Variants in ACER2 observed in about 807,000 individuals in gnomAD.
ACER2 encodes alkaline ceramidase 2, also known as alkCDase 2.
A neutral mutation model predicts 34.7 loss-of-function variants in ACER2; 26 were observed. The ratio of observed to expected loss-of-function variants is 0.75; its 90% CI spans 0.55 to 1.04. The LOEUF is 1.04. Among genes scored for constraint, ACER2 ranks in the 50% least tolerant of loss-of-function variants. ACER2 has a pLI of 0.00. For missense variants in ACER2, 352 were observed against 340.8 expected (o/e 1.03, Z -0.26); for synonymous variants, 138 against 132.1 (o/e 1.04, Z -0.31).
chr9:19,448,964 C>A (rs1217982354), intron 5 of ACER2, among the ~76,000 whole-genome samples: 2 of 152,090 alleles, frequency 1.3e-5, no homozygotes, highest in Non-Finnish European at 2.9e-5. Flanking sequence ...CACGGTGAAA[C>A]CCCGTCTCTA....
At chr9:19,418,413 C>T (rs1184717871) in intron 1 of ACER2, among the ~76,000 whole-genome samples, 1 of 152,166 alleles carries the variant, frequency 6.6e-6, no homozygotes, top group African/African-American at 2.4e-5. Context: ...TTTATTGCAG[C>T]ACTGTTCACA....
chr9:19,438,790 T>C (rs1831053017), intron 4 of ACER2, among the ~76,000 whole-genome samples: 1 of 152,198 alleles, frequency 6.6e-6, no homozygotes, highest in South Asian at 2.1e-4. Flanking sequence ...TGTTTGTTTG[T>C]TTGTTTTGTT....
chr9:19,426,449 A>T (rs1830575721), intron 3 of ACER2, among the ~76,000 whole-genome samples: 1 of 147,296 alleles, frequency 6.8e-6, no homozygotes, highest in South Asian at 2.1e-4. Context: ...GTCTTGAAAG[A>T]TACCCACCAG....
chr9:19,449,052 C>T (rs530333923), intron 5 of ACER2, among the ~76,000 whole-genome samples: 89 of 152,252 alleles, frequency 5.8e-4, no homozygotes, highest in African/African-American at 2.0e-3. Flanking sequence ...ATCGTTTGAA[C>T]CTGGGAGGCG....
chr9:19,430,140 A>G (rs1460249928), intron 3 of ACER2, among the ~76,000 whole-genome samples: 1 of 151,016 alleles, frequency 6.6e-6, no homozygotes, highest in Admixed American at 6.6e-5. Flanking sequence ...TTTACTGTGT[A>G]AAAAAGCCAA....
intron 3 of ACER2, among the ~76,000 whole-genome samples, chr9:19,432,578 GTA>G (rs35575464): frequency 0.19 from 29,177 of 149,688 alleles, 2,929 homozygotes; most frequent in South Asian, 0.29. Flanking sequence ...GTATGTGTGT[GTA>G]TATATATGAT....
At chr9:19,414,980 T>G (rs1417766376) in intron 1 of ACER2, among the ~76,000 whole-genome samples, 8 of 152,234 alleles carry the variant, frequency 5.3e-5, no homozygotes, top group African/African-American at 1.7e-4. Context: ...TTTGCTTTTT[T>G]GTATTTCTTT....
At chr9:19,446,566 C>A in intron 5 of ACER2, 148 bp downstream of exon 5, 1 of 1,495,734 alleles carries the variant, frequency 6.7e-7, no homozygotes, top group Non-Finnish European at 8.8e-7. Context: ...GGTTCAGAAG[C>A]CACTGAAAGC....
At chr9:19,413,261 A>G (rs1467529668) in intron 1 of ACER2, among the ~76,000 whole-genome samples, 5 of 152,120 alleles carry the variant, frequency 3.3e-5, no homozygotes, top group Admixed American at 2.0e-4. Context: ...TGTTTCTTCT[A>G]TATACAAATT....
intron 4 of ACER2, among the ~76,000 whole-genome samples, chr9:19,440,123 A>G (rs1831105686): frequency 1.3e-5 from 2 of 152,108 alleles, no homozygotes; most frequent in South Asian, 4.2e-4. Flanking sequence ...CCTGTATCTT[A>G]TGTATTATTC....
intron 1 of ACER2, among the ~76,000 whole-genome samples, chr9:19,414,914 GA>G (rs1274897328): frequency 6.7e-6 from 1 of 149,804 alleles, no homozygotes; most frequent in Non-Finnish European, 1.5e-5. Context: ...ATACAATTTT[GA>G]GGGATACATC....
intron 1 of ACER2, among the ~76,000 whole-genome samples, chr9:19,413,845 G>A (rs1156755397): frequency 6.6e-6 from 1 of 152,118 alleles, no homozygotes; most frequent in Non-Finnish European, 1.5e-5. Context: ...GATAAATAGA[G>A]CTCTCGTTAT....
At chr9:19,416,951 A>G (rs902251776) in intron 1 of ACER2, among the ~76,000 whole-genome samples, 9 of 152,228 alleles carry the variant, frequency 5.9e-5, no homozygotes, top group Non-Finnish European at 7.3e-5. Context: ...CTGTTTGCAG[A>G]TGACATGATT....
intron 4 of ACER2, among the ~76,000 whole-genome samples, chr9:19,442,888 G>C (rs537069196): frequency 5.0e-4 from 74 of 148,972 alleles, no homozygotes; most frequent in Non-Finnish European, 9.8e-4. Flanking sequence ...GCTGGAGTGC[G>C]GTGGCACTAT....
At chr9:19,426,086 C>CT (rs1799423436) in intron 3 of ACER2, among the ~76,000 whole-genome samples, 1 of 152,112 alleles carries the variant, frequency 6.6e-6, no homozygotes, top group South Asian at 2.1e-4. Flanking sequence ...GAACTAAACT[C>CT]TTTCTGAGTA....
intron 1 of ACER2, among the ~76,000 whole-genome samples, chr9:19,418,852 G>A (rs10121213): frequency 0.15 from 23,360 of 151,836 alleles, 1,835 homozygotes; most frequent in South Asian, 0.24. Flanking sequence ...ATTAAAAAAA[G>A]AAGAAAGAAA....
At chr9:19,425,941 C>T (rs1456625473) in intron 3 of ACER2, among the ~76,000 whole-genome samples, 2 of 152,178 alleles carry the variant, frequency 1.3e-5, no homozygotes, top group Non-Finnish European at 2.9e-5. Flanking sequence ...TGAAAAGGAA[C>T]AGGAGCTGTG....
chr9:19,425,322 C>A (rs998795625), intron 3 of ACER2, among the ~76,000 whole-genome samples: 1 of 152,174 alleles, frequency 6.6e-6, no homozygotes, highest in Admixed American at 6.5e-5. Context: ...TGTGCACCTG[C>A]GTGCGTGCGC....
At chr9:19,436,272 A>G (rs77891135) in intron 4 of ACER2, among the ~76,000 whole-genome samples, 3,432 of 152,152 alleles carry the variant, frequency 0.023, 137 homozygotes, top group African/African-American at 0.078. Context: ...CTTTAGTCTG[A>G]AATGTTCATT....
Sources: gnomAD v4.1 joint callset for allele counts (sites outside exome capture counted in the v4.1 genomes callset) on GRCh38, gnomAD v4.1.1 for gene constraint, MANE v1.5 for transcripts, NCBI Gene and HGNC (gene_info 2026-07-23, HGNC 2026-07-21) for gene names.